NUP58: variants seen among roughly 807,000 people sequenced by gnomAD.
The protein encoded by NUP58 is nucleoporin 58.
In NUP58, 17 loss-of-function variants were observed where a neutral mutation model predicts 70.1. The ratio of observed to expected loss-of-function variants is 0.24; its 90% CI spans 0.17 to 0.36. The LOEUF (loss-of-function observed/expected upper bound fraction) is 0.36. Among genes scored for constraint, NUP58 ranks in the 10% least tolerant of loss-of-function variants. NUP58 has a pLI of 1.00. For synonymous variants in NUP58, 275 were observed against 257.6 expected (o/e 1.07, Z -0.65); for missense variants, 644 against 701.5 (o/e 0.92, Z 0.93).
At chr13:25,304,490 ATATATATATATATATATATATATATATG>A (rs2030199916) in intron 1 of NUP58, among the ~76,000 whole-genome samples, 1 of 87,606 alleles carries the variant, frequency 1.1e-5, no homozygotes, top group Admixed American at 1.1e-4. Context: ...ATATATATAT[ATATATATATATATATATATATATATATG>A]TATTTTTTTT....
chr13:25,313,763 T>C lies in NUP58; in HGVS notation c.574+12T>C, dbSNP rs200064280. ...CACAGGAACATCAGGTAATTGATGG[T>C]ATTTATTCTCCAGAATAGTAAATAT... is the stretch of plus-strand genomic sequence containing the variant. On this transcript the variant is annotated intron_variant, in intron 5 of 15. Transcript: ENST00000381736. The C allele has an allele frequency of 1.3e-6, 2 of 1,513,920 alleles. No individual in the cohort carries two copies. Among genetic ancestry groups the C allele is most frequent in the East Asian group, 2.6e-5 (1 of 37,914 alleles). 93.8% of individuals were successfully genotyped at this position (1,513,920 alleles called of 1,614,324 possible). A position where few individuals can be genotyped will look rare whatever the true frequency, so the allele number is the denominator to read the frequency against.
chr13:25,314,319 T>G (rs778898365), intron 5 of NUP58, among the ~76,000 whole-genome samples: 1 of 152,130 alleles, frequency 6.6e-6, no homozygotes, highest in Non-Finnish European at 1.5e-5. Context: ...GTTTAAGGAG[T>G]CAGTAAACTG....
downstream of NUP58, among the ~76,000 whole-genome samples, chr13:25,346,855 T>G (rs2032056892): frequency 6.6e-6 from 1 of 152,228 alleles, no homozygotes; most frequent in South Asian, 2.1e-4. Flanking sequence ...ATTTACAAGT[T>G]TAAAGAACCA....
chr13:25,334,060 A>T, intron 13 of NUP58: 1 of 985,236 alleles, frequency 1.0e-6, no homozygotes. Context: ...TTAATGAAAA[A>T]GTATACTAGG....
chr13:25,334,020 C>G (rs530293937), intron 13 of NUP58: 5 of 985,110 alleles, frequency 5.1e-6, no homozygotes, highest in Non-Finnish European at 2.4e-6. Context: ...TAGACTTAAA[C>G]GACTTCTTTG....
intron 13 of NUP58, chr13:25,336,349 G>T: frequency 2.9e-6 from 3 of 1,017,316 alleles, no homozygotes; most frequent in Non-Finnish European, 4.1e-6. Flanking sequence ...ATAAAACATT[G>T]TCTTGTTTTT....
At chr13:25,326,744 A>G (rs142780357) in intron 10 of NUP58, among the ~76,000 whole-genome samples, 172 bp from the exon 11 acceptor site, 41 of 152,274 alleles carry the variant, frequency 2.7e-4, no homozygotes, top group Non-Finnish European at 4.6e-4. Context: ...TTCACAGTGC[A>G]TTTGTAATTT....
In NUP58 at chr13:25,312,981, A is replaced by G. The variant is rs377200117; in HGVS notation, c.385A>G (p.Thr129Ala). The part of the protein sequence containing the change: ...ATPFALPITS[T>A]SASGLTLSSA... ...ACCATTTGCTCTACCTATTACCTCT[A>G]CCTCAGCTAGCGGTCTGACTCTTTC... The change falls in exon 4 of 16, where the codon ACC (threonine) becomes GCC (alanine). Residue 129 changes from threonine to alanine, a missense_variant. Thr to Ala is a moderately conservative substitution (Grantham distance 58). This residue lies in a region of NUP58 where 430 missense variants were observed against 409.2 expected (regional missense o/e 1.05). Transcript: ENST00000381736. 174 of 1,614,170 alleles carry G rather than the reference A, an allele frequency of 1.1e-4. 2 individuals are homozygous for G. The South Asian group carries it at 1.7e-3, about 16-fold the overall frequency.
chr13:25,317,145 C>T (rs1346551075), intron 6 of NUP58, among the ~76,000 whole-genome samples: 4 of 152,016 alleles, frequency 2.6e-5, no homozygotes, highest in African/African-American at 9.7e-5. Context: ...AAACAGCATT[C>T]AGTGAAGAGG....
intron 1 of NUP58, 46 bp downstream of exon 1, chr13:25,301,926 C>T: frequency 7.8e-7 from 1 of 1,277,262 alleles, no homozygotes; most frequent in African/African-American, 1.5e-5. Flanking sequence ...ACCCCCACCC[C>T]CACCCCCGCA....
At chr13:25,329,430 A>G (rs2031524924) in intron 12 of NUP58, among the ~76,000 whole-genome samples, 2 of 152,146 alleles carry the variant, frequency 1.3e-5, no homozygotes, top group African/African-American at 4.8e-5. Context: ...TTTTGGTAAT[A>G]TGACCATAAA....
At chr13:25,331,984 A>G (rs1173261630) in intron 13 of NUP58, 3 of 1,024,206 alleles carry the variant, frequency 2.9e-6, no homozygotes, top group Non-Finnish European at 3.5e-6. Context: ...CCTCATACAT[A>G]GTGATTACAA....
intron 13 of NUP58, chr13:25,332,814 A>C (rs1450096381): frequency 1.0e-6 from 1 of 985,304 alleles, no homozygotes; most frequent in Non-Finnish European, 1.2e-6. Context: ...GGAAAAAGTC[A>C]TTATGGGATT....
intron 9 of NUP58, 76 bp from the exon 10 acceptor site, chr13:25,324,912 AT>A (rs917682104): frequency 1.3e-4 from 119 of 933,208 alleles, no homozygotes; most frequent in Non-Finnish European, 1.7e-4. Context: ...GAGACTGAAT[AT>A]TTTTTTTCGT....
At chr13:25,306,081 C>A (rs1031663266) in intron 1 of NUP58, among the ~76,000 whole-genome samples, 8 of 152,086 alleles carry the variant, frequency 5.3e-5, no homozygotes, top group African/African-American at 1.9e-4. Context: ...GAAGTTAATT[C>A]ATCCTGTGCT....
intron 12 of NUP58, 76 bp downstream of exon 12, chr13:25,327,588 A>G: frequency 1.2e-6 from 1 of 866,396 alleles, no homozygotes; most frequent in Admixed American, 2.4e-5. Context: ...AAATGTGTCC[A>G]TGCTTGATAC....
rs905971828 is a variant in NUP58 at position 25,312,742 on chromosome 13, C to T, written c.287-141C>T. 7 of 713,550 alleles carry T rather than the reference C, an allele frequency of 9.8e-6. No individual in the cohort carries two copies. In the African/African-American group the frequency reaches 1.3e-4, roughly 13 times the overall value. 44.2% of individuals were successfully genotyped at this position (713,550 alleles called of 1,614,324 possible). ...TAGTCTCAACTTTTACATATTTTCT[C>T]TCACAGATACACCCTTCTTCTATTG... is the stretch of plus-strand genomic sequence containing the variant. On this transcript the variant is annotated intron_variant, in intron 3 of 15. Coordinates refer to ENST00000381736, the MANE Select transcript of NUP58 (RefSeq NM_014089.4).
chr13:25,336,238 G>A (rs757625070), intron 13 of NUP58: 3 of 1,367,108 alleles, frequency 2.2e-6, no homozygotes, highest in South Asian at 2.3e-5. Context: ...ATGTAGCAGA[G>A]CTTAAGAATA....
exon 4 of NUP58, chr13:25,349,742 G>C (rs1156622987): frequency 6.6e-6 from 1 of 152,330 alleles, no homozygotes; most frequent in Non-Finnish European, 1.5e-5. Context: ...CTTAGAGTAG[G>C]TTTGATCAAG....
Sources: allele counts gnomAD v4.1 joint callset (sites outside exome capture counted in the v4.1 genomes callset), GRCh38; gene constraint gnomAD v4.1.1; regional missense constraint gnomAD v4.1.1; transcripts MANE v1.5; gene names NCBI Gene and HGNC (gene_info 2026-07-23, HGNC 2026-07-21).